Variants in ROBO2 observed in about 807,000 individuals in gnomAD.
ROBO2 encodes roundabout guidance receptor 2, also known as roundabout homolog 2.
ROBO2 carries 53 observed loss-of-function variants against 160.8 expected under a neutral mutation model. That is an observed-to-expected ratio of 0.33 (90% confidence interval 0.26 to 0.41). The LOEUF is 0.41. Among genes scored for constraint, ROBO2 ranks in the 10% least tolerant of loss-of-function variants. The probability of loss-of-function intolerance (pLI) is 1.00; values close to 1 mark genes in which losing one functional copy is unlikely to be tolerated. For missense variants in ROBO2, 1,577 were observed against 1,722.4 expected (o/e 0.92, Z 1.49); for synonymous variants, 664 against 611.7 (o/e 1.09, Z -1.26).
At chr3:77,264,498 C>T (rs2058996517) in intron 2 of ROBO2, among the ~76,000 whole-genome samples, 1 of 152,066 alleles carries the variant, frequency 6.6e-6, no homozygotes, top group Non-Finnish European at 1.5e-5. Flanking sequence ...TTCTACTTTA[C>T]TCAGCCATCA....
intron 2 of ROBO2, among the ~76,000 whole-genome samples, chr3:77,217,533 G>A (rs1332309042): frequency 1.3e-5 from 2 of 152,202 alleles, no homozygotes; most frequent in African/African-American, 4.8e-5. Context: ...GAAAAAGCAT[G>A]ATGATGTGTT....
At chr3:76,530,760 T>C (rs1328433744) in intron 2 of ROBO2, among the ~76,000 whole-genome samples, 1 of 152,156 alleles carries the variant, frequency 6.6e-6, no homozygotes, top group Non-Finnish European at 1.5e-5. Context: ...AAATTATAAT[T>C]TGGGGGAATA....
At chr3:76,705,144 TG>T (rs2093134173) in intron 2 of ROBO2, among the ~76,000 whole-genome samples, 1 of 152,128 alleles carries the variant, frequency 6.6e-6, no homozygotes. Flanking sequence ...CCCACAGGTA[TG>T]GTCTGCCCAC....
At chr3:76,925,113 CAGG>C (rs771254574) in intron 2 of ROBO2, among the ~76,000 whole-genome samples, 27 of 147,680 alleles carry the variant, frequency 1.8e-4, no homozygotes, top group Non-Finnish European at 3.3e-4. Flanking sequence ...GAGGCTGAGG[CAGG>C]AGGAGAATGG....
chr3:76,205,654 G>T (rs890757966), intron 2 of ROBO2, among the ~76,000 whole-genome samples: 5 of 152,094 alleles, frequency 3.3e-5, no homozygotes, highest in African/African-American at 1.2e-4. Context: ...CTTTCCCCAG[G>T]TTTACACAGC....
At chr3:77,624,171 A>T (rs1472287641) in intron 23 of ROBO2, among the ~76,000 whole-genome samples, 1 of 152,236 alleles carries the variant, frequency 6.6e-6, no homozygotes, top group Non-Finnish European at 1.5e-5. Context: ...TGAATAATAC[A>T]TCTCTTTAGT....
At chr3:76,075,291 T>C (rs1447490522) in intron 2 of ROBO2, among the ~76,000 whole-genome samples, 1 of 151,870 alleles carries the variant, frequency 6.6e-6, no homozygotes, top group Non-Finnish European at 1.5e-5. Context: ...TGTGTCCTTA[T>C]TACCAGGAAA....
At chr3:76,766,700 G>C (rs1021146829) in intron 2 of ROBO2, among the ~76,000 whole-genome samples, 2 of 151,572 alleles carry the variant, frequency 1.3e-5, no homozygotes, top group African/African-American at 2.4e-5. Context: ...TAACAACAAA[G>C]TTGGGGGTGG....
intron 2 of ROBO2, among the ~76,000 whole-genome samples, chr3:76,097,347 G>T (rs2069495659): frequency 2.0e-5 from 3 of 152,136 alleles, no homozygotes; most frequent in Admixed American, 2.0e-4. Flanking sequence ...GAGCTACATG[G>T]TCCGTTCTTG....
At chr3:76,292,001 G>A (rs1208545314) in intron 2 of ROBO2, among the ~76,000 whole-genome samples, 2 of 152,056 alleles carry the variant, frequency 1.3e-5, no homozygotes, top group Non-Finnish European at 2.9e-5. Context: ...GTTGGGTGGA[G>A]TGTTTTATAG....
intron 2 of ROBO2, among the ~76,000 whole-genome samples, chr3:76,657,423 T>TCAAA (rs1014894230): frequency 6.8e-6 from 1 of 147,778 alleles, no homozygotes; most frequent in East Asian, 2.0e-4. Context: ...AGACTCCGTC[T>TCAAA]CAAACAAACA....
Position 76,041,344 on chromosome 3 carries a change from A to G in ROBO2, c.109+103742A>G, listed in dbSNP as rs1048984602. 1.2e-4 allele frequency among the ~76,000 whole-genome samples: 19 copies of G among 152,020 alleles called. 1 individual carries two copies. Among genetic ancestry groups the G allele is most frequent in the African/African-American group, 4.6e-4 (19 of 41,276 alleles). ...TAGATTGTATTTTTTCTGAGCTACT[A>G]ATAAAAACTTATGTAGAACTTTTGT... On this transcript the variant is annotated intron_variant, in intron 2 of 26. Coordinates refer to the ROBO2 transcript ENST00000487694.
chr3:76,151,595 C>G (rs1035592880), intron 2 of ROBO2, among the ~76,000 whole-genome samples: 3 of 152,118 alleles, frequency 2.0e-5, no homozygotes, highest in African/African-American at 7.2e-5. Context: ...TATGCTATTG[C>G]TTTATATAGT....
At chr3:77,408,331 A>T (rs1250974775) in intron 2 of ROBO2, among the ~76,000 whole-genome samples, 2 of 152,204 alleles carry the variant, frequency 1.3e-5, no homozygotes, top group African/African-American at 4.8e-5. Flanking sequence ...AGTAAAGAAT[A>T]AAAAGGTTTT....
At chr3:76,220,784 A>T (rs1310847159) in intron 2 of ROBO2, among the ~76,000 whole-genome samples, 6 of 152,166 alleles carry the variant, frequency 3.9e-5, no homozygotes, top group Non-Finnish European at 7.4e-5. Context: ...TTCAAAACAA[A>T]ATAAGGAGGA....
chr3:77,576,624 A>C (rs2093772144), intron 14 of ROBO2, among the ~76,000 whole-genome samples: 2 of 152,126 alleles, frequency 1.3e-5, no homozygotes, highest in South Asian at 4.1e-4. Flanking sequence ...AATCAGGAAG[A>C]GCTTCTCTCT....
chr3:76,011,400 A>G (rs1275517345), intron 2 of ROBO2, among the ~76,000 whole-genome samples: 1 of 152,182 alleles, frequency 6.6e-6, no homozygotes, highest in Non-Finnish European at 1.5e-5. Context: ...TGCCTTCCTT[A>G]TCAATGTTTC....
intron 2 of ROBO2, among the ~76,000 whole-genome samples, chr3:77,426,340 A>AT (rs2078203483): frequency 1.3e-5 from 2 of 152,124 alleles, no homozygotes; most frequent in Non-Finnish European, 2.9e-5. Flanking sequence ...GATGGGGCCC[A>AT]CTGTGGCGGG....
intron 2 of ROBO2, among the ~76,000 whole-genome samples, chr3:76,400,662 G>A (rs1181313261): frequency 1.3e-5 from 2 of 151,420 alleles, no homozygotes; most frequent in East Asian, 3.9e-4. Context: ...TGATACATAT[G>A]TTTAACACAA....
Sources: gnomAD v4.1 joint callset for allele counts (sites outside exome capture counted in the v4.1 genomes callset) on GRCh38, gnomAD v4.1.1 for gene constraint, MANE v1.5 for transcripts, NCBI Gene and HGNC (gene_info 2026-07-23, HGNC 2026-07-21) for gene names.